The following ZBBX variants were observed in gnomAD, a reference collection of about 807,000 sequenced individuals.
ZBBX encodes zinc finger B-box domain-containing protein 1.
In ZBBX, 101 loss-of-function variants were observed where a neutral mutation model predicts 108.5. The observed-to-expected ratio is 0.93, with a 90% CI of 0.79 to 1.10. ZBBX has a LOEUF of 1.10. Among genes scored for constraint, ZBBX ranks in the 50% least tolerant of loss-of-function variants. ZBBX has a pLI of 0.00. For synonymous variants in ZBBX, 356 were observed against 323.4 expected (o/e 1.10, Z -1.08); for missense variants, 1,009 against 941.4 (o/e 1.07, Z -0.94).
the ZBBX span, among the ~76,000 whole-genome samples, chr3:167,193,452 C>G: frequency 3.6e-4 from 55 of 152,292 alleles, no homozygotes; most frequent in Non-Finnish European, 6.2e-4. Flanking sequence ...CCTGCCTCCC[C>G]TCTTTGTCTC....
intron 17 of ZBBX, among the ~76,000 whole-genome samples, chr3:167,301,338 T>C (rs1458734596): frequency 6.6e-6 from 1 of 152,176 alleles, no homozygotes; most frequent in Non-Finnish European, 1.5e-5. Context: ...TCAGACTATC[T>C]AACTAAATGA....
At chr3:167,258,783 T>C (rs193016118) in intron 20 of ZBBX, among the ~76,000 whole-genome samples, 8 of 152,336 alleles carry the variant, frequency 5.3e-5, no homozygotes, top group African/African-American at 1.9e-4. Context: ...TTTATTGACT[T>C]GATTATGGCA....
intron 6 of ZBBX, 133 bp downstream of exon 6, chr3:167,365,753 C>A: frequency 4.1e-6 from 2 of 483,194 alleles, no homozygotes; most frequent in Non-Finnish European, 7.0e-6. Context: ...CAAAATAAAT[C>A]AACAAGTGAA....
At chr3:167,304,371 C>G (rs1733243808) in intron 17 of ZBBX, among the ~76,000 whole-genome samples, 1 of 152,106 alleles carries the variant, frequency 6.6e-6, no homozygotes, top group South Asian at 2.1e-4. Flanking sequence ...CTGTGGAAAT[C>G]TGGAAATTGA....
intron 16 of ZBBX, among the ~76,000 whole-genome samples, chr3:167,309,373 C>A (rs1397715722): frequency 6.6e-6 from 1 of 152,208 alleles, no homozygotes; most frequent in African/African-American, 2.4e-5. Flanking sequence ...TGTGTGGGGG[C>A]TCCTACCACA....
At chr3:167,290,529 C>T (rs576344101) in intron 18 of ZBBX, among the ~76,000 whole-genome samples, 1 of 152,228 alleles carries the variant, frequency 6.6e-6, no homozygotes, top group African/African-American at 2.4e-5. Context: ...AAAAAACATC[C>T]ACTCAGAGAC....
chr3:167,346,189 A>G (rs965453176), intron 9 of ZBBX, among the ~76,000 whole-genome samples: 3 of 149,092 alleles, frequency 2.0e-5, no homozygotes, highest in African/African-American at 7.4e-5. Flanking sequence ...TTCTACATGT[A>G]GAAGTAAAAT....
the ZBBX span, among the ~76,000 whole-genome samples, chr3:167,181,849 AG>A: frequency 2.0e-5 from 3 of 152,190 alleles, no homozygotes; most frequent in Non-Finnish European, 2.9e-5. Flanking sequence ...CCCGCTGGCA[AG>A]GGTCTATAGA....
In ZBBX at chr3:167,301,291, T is replaced by C. The variant is rs111628309; in HGVS notation, c.1726-2833A>G. Among the ~76,000 whole-genome samples, 1,410 of 152,264 alleles carry C rather than the reference T, an allele frequency of 9.3e-3. 16 individuals are homozygous for C. The highest frequency in any genetic ancestry group is 0.031 in the African/African-American group (1,299 of 41,536). On this transcript the variant is annotated intron_variant, in intron 17 of 21. Coordinates refer to ENST00000675490, the MANE Select transcript of ZBBX (RefSeq NM_001199201.2). Reference sequence around the variant, plus strand: ...AGCTATCCTGACAGACTCTGATCAGTTGAGAGTAGACCAGGAATTCAATGG... The same window carrying C: ...AGCTATCCTGACAGACTCTGATCAGCTGAGAGTAGACCAGGAATTCAATGG...
At chr3:167,245,953 T>C (rs916619133) in intron 20 of ZBBX, among the ~76,000 whole-genome samples, 13 of 152,322 alleles carry the variant, frequency 8.5e-5, no homozygotes, top group African/African-American at 3.1e-4. Context: ...TGTTATACAG[T>C]GGCAAGACAA....
chr3:167,227,139 A>G, the ZBBX span, among the ~76,000 whole-genome samples: 1 of 151,792 alleles, frequency 6.6e-6, no homozygotes, highest in African/African-American at 2.4e-5. Flanking sequence ...CTTTATACTC[A>G]GAAAATTTTA....
chr3:167,204,938 G>C, the ZBBX span, among the ~76,000 whole-genome samples: 2 of 151,976 alleles, frequency 1.3e-5, no homozygotes, highest in Non-Finnish European at 2.9e-5. Context: ...TTTTCTTGCA[G>C]GAGAAAAAGA....
At chr3:167,205,086 G>C in the ZBBX span, among the ~76,000 whole-genome samples, 1 of 152,160 alleles carries the variant, frequency 6.6e-6, no homozygotes, top group Non-Finnish European at 1.5e-5. Flanking sequence ...CCAGGTATTA[G>C]AAATTTCTGT....
At position 167,317,516 on chromosome 3, in the gene ZBBX, A is replaced by G. The variant is rs766799597; in HGVS notation, c.1065T>C (p.Ser355=). 1.2e-6 allele frequency: 2 copies of G among 1,609,140 alleles called. No homozygotes were observed. The change falls in exon 13 of 22, where the codon TCT becomes TCC. Residue 355 remains serine (S), a synonymous_variant. Transcript: ENST00000675490. ...CACTATCTTCATCGTTTTCATTTTG[A>G]GAACACTGTGCATCACCAGTGGTTT... is the stretch of plus-strand genomic sequence containing the variant. ...PHETTGDAQC[S]QNENDEDSDG... is the part of the protein sequence containing the mutation.
chr3:167,385,977 G>C (rs1421465914), intron 1 of ZBBX, among the ~76,000 whole-genome samples: 1 of 152,008 alleles, frequency 6.6e-6, no homozygotes, highest in Non-Finnish European at 1.5e-5. Flanking sequence ...AGTCTTGGCA[G>C]CCATGTTTCA....
At chr3:167,330,940 T>TC (rs1243114488) in intron 10 of ZBBX, among the ~76,000 whole-genome samples, 6 of 103,046 alleles carry the variant, frequency 5.8e-5, no homozygotes, top group East Asian at 3.6e-4. Context: ...CTCTCCTCTC[T>TC]TTCTTTCTCT....
rs759439069 is a variant in ZBBX, at chr3:167,282,412, G to T, written c.2080C>A (p.His694Asn). 1.2e-6 allele frequency: 2 copies of T among 1,614,114 alleles called. No homozygotes were observed. Among genetic ancestry groups the T allele is most frequent in the Non-Finnish European group, 8.5e-7 (1 of 1,179,990 alleles). Residue 694 changes from histidine (H) to asparagine (N), a missense_variant, in exon 20 of 22, where the codon CAT becomes AAT. His to Asn is a moderately conservative substitution (Grantham distance 68). Coordinates refer to ENST00000675490, the MANE Select transcript of ZBBX (RefSeq NM_001199201.2). Reference sequence around the variant, plus strand: ...GCAGCTGCACTTCTTGATCGAGGATGAGAGGATGAAAGGCAACTGGAGCTT... The same window carrying T: ...GCAGCTGCACTTCTTGATCGAGGATTAGAGGATGAAAGGCAACTGGAGCTT... ...KESSSCLSSS[H>N]PRSRSAAAQS...
At chr3:167,305,395 G>A (rs1049128850) in intron 17 of ZBBX, among the ~76,000 whole-genome samples, 2 of 152,046 alleles carry the variant, frequency 1.3e-5, no homozygotes, top group African/African-American at 4.8e-5. Context: ...GCTGCATAAG[G>A]TGGGCCTTAA....
intron 15 of ZBBX, among the ~76,000 whole-genome samples, chr3:167,315,109 T>A (rs1229544771): frequency 6.6e-6 from 1 of 152,078 alleles, no homozygotes; most frequent in Non-Finnish European, 1.5e-5. Context: ...CAAGAATTGG[T>A]AGAGGGGATA....
Sources: gnomAD v4.1 joint callset for allele counts (sites outside exome capture counted in the v4.1 genomes callset) on GRCh38, gnomAD v4.1.1 for gene constraint, MANE v1.5 for transcripts, NCBI Gene and HGNC (gene_info 2026-07-23, HGNC 2026-07-21) for gene names.